Variants in SCN2A observed in about 807,000 individuals in gnomAD.
The protein encoded by SCN2A is sodium voltage-gated channel alpha subunit 2.
Under a neutral mutation model 188.7 loss-of-function variants are expected in SCN2A, and 20 were observed. The observed-to-expected ratio is 0.11, with a 90% CI of 0.07 to 0.15. SCN2A has a LOEUF of 0.15. Among genes scored for constraint, SCN2A ranks in the 10% least tolerant of loss-of-function variants. The pLI is 1.00. For synonymous variants in SCN2A, 804 were observed against 833.1 expected, an observed-to-expected ratio of 0.97 and a Z score of 0.60; for missense variants, 1,278 against 2,445.0, an observed-to-expected ratio of 0.52 and a Z score of 10.07.
chr2:165,350,460 C>CTTTTTTTTTTTTTTTTTTTTT (rs796595702), intron 16 of SCN2A, among the ~76,000 whole-genome samples: 3 of 77,924 alleles, frequency 3.8e-5, no homozygotes, highest in African/African-American at 4.3e-5. Context: ...GAACTGTTTT[C>CTTTTTTTTTTTTTTTTTTTTT]TTTCTTTTTT....
intron 14 of SCN2A, among the ~76,000 whole-genome samples, chr2:165,338,578 T>C (rs1307495721): frequency 3.2e-4 from 48 of 152,024 alleles, no homozygotes; most frequent in Admixed American, 3.1e-3. Flanking sequence ...TTATCTAAAG[T>C]GTTACAATAT....
At position 165,344,666 on chromosome 2, in the gene SCN2A, G is replaced by A. The variant is rs121917751; in HGVS notation, c.2674G>A (p.Val892Ile). 3 of 1,614,042 alleles carry A rather than the reference G, an allele frequency of 1.9e-6. No homozygotes were observed. The highest frequency in any genetic ancestry group is 2.5e-6 in the Non-Finnish European group (3 of 1,180,008). Residue 892 changes from valine (V) to isoleucine (I), a missense_variant, in exon 16 of 27, where the codon GTC becomes ATC. Physicochemically the swap from Val to Ile is conservative, Grantham distance 29. Coordinates refer to ENST00000375437, the MANE Select transcript of SCN2A (RefSeq NM_001040142.2). ...CCTCACCTTGGTATTGGCCATCATC[G>A]TCTTCATTTTTGCTGTGGTCGGCAT... is the stretch of plus-strand genomic sequence containing the variant. Reference protein sequence around the residue: ...GNLTLVLAIIVFIFAVVGMQL... With the variant: ...GNLTLVLAIIIFIFAVVGMQL...
chr2:165,300,641 A>AC (rs1367181567), intron 3 of SCN2A, among the ~76,000 whole-genome samples: 1 of 152,136 alleles, frequency 6.6e-6, no homozygotes, highest in Non-Finnish European at 1.5e-5. Flanking sequence ...TGGTGGTGCA[A>AC]CTAGTATGTT....
In SCN2A at chr2:165,267,013, A is replaced by G. The variant is rs1246183173; in HGVS notation, c.-52+27373A>G. ...ATTAAAGAAATTAAATAAGACACAC[A>G]TAAAAAGAAAGATATCCCGTGTTAA... On this transcript the variant is annotated intron_variant, in intron 1 of 26. Coordinates refer to ENST00000375437, the MANE Select transcript of SCN2A (RefSeq NM_001040142.2). The G allele has an allele frequency of 3.9e-5, 6 of 152,216 alleles. No homozygotes were observed. The South Asian group carries it at 1.0e-3, about 26-fold the overall frequency. 9.4% of individuals were successfully genotyped at this position (152,216 alleles called of 1,614,324 possible).
intron 1 of SCN2A, chr2:165,268,829 T>A (rs7607078): frequency 0.26 from 40,165 of 151,726 alleles, 5,785 homozygotes; most frequent in Non-Finnish European, 0.32. Context: ...GGAAATTCTG[T>A]CACTTGTGAC....
chr2:165,283,480 A>G (rs987808432), intron 1 of SCN2A, among the ~76,000 whole-genome samples: 1 of 152,236 alleles, frequency 6.6e-6, no homozygotes, highest in African/African-American at 2.4e-5. Flanking sequence ...CTCATCCTCC[A>G]TGCCTGGGAT....
At chr2:165,299,418 T>G (rs1367693335) in intron 3 of SCN2A, among the ~76,000 whole-genome samples, 1 of 152,254 alleles carries the variant, frequency 6.6e-6, no homozygotes, top group African/African-American at 2.4e-5. Context: ...CTGTTGATTC[T>G]CTGAGAAGTT....
chr2:165,378,220 A>C (rs1409710564), intron 23 of SCN2A, among the ~76,000 whole-genome samples: 1 of 151,396 alleles, frequency 6.6e-6, no homozygotes, highest in African/African-American at 2.4e-5. Context: ...ATTTTGAAAA[A>C]AAAAAAAAAA....
At chr2:165,337,624 C>T (rs1295739596) in intron 14 of SCN2A, among the ~76,000 whole-genome samples, 1 of 151,794 alleles carries the variant, frequency 6.6e-6, no homozygotes, top group African/African-American at 2.4e-5. Flanking sequence ...AATGTCTTAC[C>T]AGAAATAATT....
intron 3 of SCN2A, among the ~76,000 whole-genome samples, chr2:165,302,631 A>C (rs1696881676): frequency 1.3e-5 from 2 of 152,204 alleles, no homozygotes; most frequent in Non-Finnish European, 2.9e-5. Context: ...ACTGTAAGAA[A>C]AGTATTATCC....
intron 1 of SCN2A, among the ~76,000 whole-genome samples, chr2:165,248,557 A>G (rs915320677): frequency 6.6e-6 from 1 of 152,022 alleles, no homozygotes; most frequent in Admixed American, 6.6e-5. Flanking sequence ...CTCTAACTTC[A>G]TTCTTATCGT....
Position 165,296,877 on chromosome 2 carries a change from T to C in SCN2A, c.268-140T>C, listed in dbSNP as rs1696539353. 5 of 544,966 alleles carry C rather than the reference T, an allele frequency of 9.2e-6. No homozygotes were observed. The Admixed American group carries it at 9.8e-5, about 11-fold the overall frequency. The allele number at this position is 544,966 out of a possible 1,614,324, so 33.8% of individuals were successfully genotyped here. On this transcript the variant is annotated intron_variant, in intron 2 of 26. Transcript: ENST00000375437. ...TGCTCAGAAAAAAAAAGCATCTATC[T>C]TCATGTCATATGATGGTAATTATTA...
intron 1 of SCN2A, among the ~76,000 whole-genome samples, chr2:165,264,284 C>G (rs772547612): frequency 6.6e-6 from 1 of 152,050 alleles, no homozygotes; most frequent in South Asian, 2.1e-4. Flanking sequence ...ACCAGGGATG[C>G]AGGGATGGTT....
intron 23 of SCN2A, among the ~76,000 whole-genome samples, chr2:165,378,522 G>T (rs1701433054): frequency 6.6e-6 from 1 of 151,634 alleles, no homozygotes; most frequent in Non-Finnish European, 1.5e-5. Flanking sequence ...AATCCTAAAT[G>T]ACAACCTTAT....
At chr2:165,306,743 A>T (rs1559350486) in intron 3 of SCN2A, among the ~76,000 whole-genome samples, 1 of 152,168 alleles carries the variant, frequency 6.6e-6, no homozygotes, top group Non-Finnish European at 1.5e-5. Flanking sequence ...TTCTAGATCA[A>T]CACAACATTG....
chr2:165,388,104 T>C (rs543324040), intron 26 of SCN2A, among the ~76,000 whole-genome samples: 149 of 152,240 alleles, frequency 9.8e-4, no homozygotes, highest in African/African-American at 3.4e-3. Flanking sequence ...AAAGTTGATA[T>C]TATCACCATT....
At chr2:165,304,112 A>C (rs1002761250) in intron 3 of SCN2A, among the ~76,000 whole-genome samples, 29 of 152,130 alleles carry the variant, frequency 1.9e-4, no homozygotes, top group Non-Finnish European at 1.5e-4. Flanking sequence ...ATGTATATAT[A>C]TTTTAGACAG....
At chr2:165,240,407 T>C (rs1693562763) in intron 1 of SCN2A, among the ~76,000 whole-genome samples, 1 of 152,122 alleles carries the variant, frequency 6.6e-6, no homozygotes, top group Non-Finnish European at 1.5e-5. Context: ...ATTATCTGTG[T>C]TAAAGAGTGG....
intron 21 of SCN2A, 84 bp from the exon 22 acceptor site, chr2:165,374,601 T>C: frequency 6.9e-7 from 1 of 1,442,902 alleles, no homozygotes. Context: ...TTTAATCATT[T>C]GACTGTTCTT....
Sources: allele counts gnomAD v4.1 joint callset (sites outside exome capture counted in the v4.1 genomes callset), GRCh38; gene constraint gnomAD v4.1.1; transcripts MANE v1.5; gene names NCBI Gene and HGNC (gene_info 2026-07-23, HGNC 2026-07-21).